The following TOP2A variants were observed in gnomAD, a reference collection of about 807,000 sequenced individuals.
TOP2A encodes DNA topoisomerase 2-alpha.
TOP2A carries 68 observed loss-of-function variants against 187.2 expected under a neutral mutation model. The observed-to-expected ratio is 0.36, with a 90% confidence interval of 0.30 to 0.44. TOP2A has a LOEUF of 0.44. Among genes scored for constraint, TOP2A ranks in the 20% least tolerant of loss-of-function variants. The pLI, the probability that TOP2A is intolerant of heterozygous loss-of-function variation, is 1.00. For missense variants in TOP2A, 1,196 were observed against 1,808.7 expected (o/e 0.66, Z 6.14); for synonymous variants, 542 against 593.2 (o/e 0.91, Z 1.25).
rs552587802 is a variant in TOP2A at position 40,402,221 on chromosome 17, G to A, written c.2432+685C>T. Among the ~76,000 whole-genome samples, 5 of 152,222 alleles carry A rather than the reference G, an allele frequency of 3.3e-5. No homozygotes were observed. In the South Asian group the frequency reaches 1.0e-3, roughly 32 times the overall value. The stretch of plus-strand genomic sequence containing the variant: ...ACTGAGACAGGAAAACTAAGGATTT[G>A]GTTTTAGACTTATGTTTGAGATACT... On this transcript the variant is annotated intron_variant, in intron 20 of 34. Transcript: ENST00000423485.
chr17:40,417,201 T>G lies in TOP2A; in HGVS notation c.22-306A>C, dbSNP rs140246940. Among the ~76,000 whole-genome samples, 225 of 152,260 alleles carry G rather than the reference T, an allele frequency of 1.5e-3. 1 individual carries two copies. The highest frequency in any genetic ancestry group is 5.3e-3 in the African/African-American group (220 of 41,544). ...CCACTTCTTTCAGTTCCTGCATACATTATTTACCGAGTGCCTATTATTATA... is the reference window on the plus strand; with the variant it reads ...CCACTTCTTTCAGTTCCTGCATACAGTATTTACCGAGTGCCTATTATTATA... On this transcript the variant is annotated intron_variant, in intron 1 of 34. Coordinates refer to ENST00000423485, the MANE Select transcript of TOP2A (RefSeq NM_001067.4).
intron 29 of TOP2A, among the ~76,000 whole-genome samples, chr17:40,393,087 T>C (rs1421993975): frequency 1.3e-5 from 2 of 151,492 alleles, no homozygotes; most frequent in Non-Finnish European, 2.9e-5. Context: ...TTTGGGAGGG[T>C]GAGGTAGGCG....
intron 12 of TOP2A, 138 bp downstream of exon 12, chr17:40,407,829 A>C (rs2035267332): frequency 8.4e-7 from 1 of 1,186,786 alleles, no homozygotes; most frequent in Non-Finnish European, 1.2e-6. Flanking sequence ...AAAATAGGCT[A>C]CAATGTACCT....
rs1341315289 is a variant in TOP2A, at chr17:40,404,370, A to G, written c.2161+7T>C. 1.2e-6 allele frequency: 2 copies of G among 1,605,498 alleles called. No individual in the cohort carries two copies. Among genetic ancestry groups the G allele is most frequent in the African/African-American group, 2.7e-5 (2 of 74,614 alleles). On this transcript the variant is annotated splice_region_variant and intron_variant, in intron 18 of 34. Transcript: ENST00000423485. Reference sequence around the variant, plus strand: ...CAATGAAAACAGACTAACAAATTGGAACTCACCATCCACCATAGAAGGGAT... The same window carrying G: ...CAATGAAAACAGACTAACAAATTGGGACTCACCATCCACCATAGAAGGGAT...
intron 10 of TOP2A, chr17:40,408,870 G>A: frequency 1.6e-6 from 1 of 617,586 alleles, no homozygotes; most frequent in South Asian, 1.5e-5. Context: ...TATTGTGCTA[G>A]CACTGAGCTA....
intron 33 of TOP2A, 60 bp downstream of exon 33, chr17:40,391,446 G>A: frequency 6.7e-7 from 1 of 1,487,500 alleles, no homozygotes; most frequent in Non-Finnish European, 9.0e-7. Context: ...AATTGAAATA[G>A]ACACGTGGAA....
chr17:40,388,788 T>G lies in TOP2A; in HGVS notation c.*731A>C, dbSNP rs2034988338. 1 of 195,220 alleles carries G rather than the reference T, an allele frequency of 5.1e-6. No individual in the cohort carries two copies. Among genetic ancestry groups the G allele is most frequent in the Non-Finnish European group, 1.1e-5 (1 of 93,794 alleles). The allele number at this position is 195,220 out of a possible 1,614,324, so 12.1% of individuals were successfully genotyped here. ...TGTCCCCGAGTCTTCTGCAATCCAGTCCTCTTAGAAATTGGTTTCTCTCTT... is the reference window on the plus strand; with the variant it reads ...TGTCCCCGAGTCTTCTGCAATCCAGGCCTCTTAGAAATTGGTTTCTCTCTT... On this transcript the variant is annotated 3_prime_UTR_variant, in exon 35 of 35. Coordinates refer to ENST00000423485, the MANE Select transcript of TOP2A (RefSeq NM_001067.4).
intron 10 of TOP2A, chr17:40,409,317 A>T (rs1317489044): frequency 2.7e-6 from 1 of 365,514 alleles, no homozygotes. Flanking sequence ...CGCGGGTTGC[A>T]GTGAACTGAG....
intron 2 of TOP2A, 38 bp from the exon 3 acceptor site, chr17:40,416,550 T>C (rs1352848218): frequency 6.7e-7 from 1 of 1,496,892 alleles, no homozygotes; most frequent in Admixed American, 1.8e-5. Flanking sequence ...ATTTTTATTC[T>C]ATATTCATTG....
chr17:40,391,365 T>G (rs2035020107), intron 33 of TOP2A, 141 bp downstream of exon 33: 1 of 830,432 alleles, frequency 1.2e-6, no homozygotes, highest in African/African-American at 1.8e-5. Context: ...ATTATAAAGA[T>G]CGAAAAGAAA....
At chr17:40,417,601 A>C in intron 1 of TOP2A, 170 bp downstream of exon 1, 2 of 1,475,622 alleles carry the variant, frequency 1.4e-6, no homozygotes, top group Non-Finnish European at 1.8e-6. Context: ...CTAGCACCAG[A>C]AGGGGCTTCC....
At chr17:40,414,651 C>T (rs901648270) in intron 4 of TOP2A, among the ~76,000 whole-genome samples, 1 of 151,872 alleles carries the variant, frequency 6.6e-6, no homozygotes, top group Admixed American at 6.6e-5. Flanking sequence ...GTCAGGAGTT[C>T]GAGACCAGCC....
intron 10 of TOP2A, 144 bp from the exon 11 acceptor site, chr17:40,408,774 G>T: frequency 1.1e-6 from 1 of 884,412 alleles, no homozygotes; most frequent in Non-Finnish European, 1.8e-6. Context: ...GATAGAGGGT[G>T]GCACATCTTC....
chr17:40,396,221 T>A (rs1279206667), intron 28 of TOP2A, 62 bp downstream of exon 28: 2 of 879,134 alleles, frequency 2.3e-6, no homozygotes, highest in East Asian at 5.3e-5. Context: ...CCTCAAGTGA[T>A]CCACCCACCT....
At chr17:40,414,301 A>C (rs1028927633) in intron 4 of TOP2A, among the ~76,000 whole-genome samples, 1 of 152,078 alleles carries the variant, frequency 6.6e-6, no homozygotes, top group Non-Finnish European at 1.5e-5. Flanking sequence ...GGGCTCAAGC[A>C]ATCCTCCCAC....
intron 10 of TOP2A, 28 bp from the exon 11 acceptor site, chr17:40,408,658 A>T: frequency 1.2e-6 from 2 of 1,610,142 alleles, no homozygotes; most frequent in Non-Finnish European, 1.7e-6. Context: ...CATATTAGGG[A>T]TCATATTAGG....
Position 40,389,734 on chromosome 17 carries a change from C to T in TOP2A, c.4468-87G>A, listed in dbSNP as rs1598606152. 26 of 1,476,234 alleles carry T rather than the reference C, an allele frequency of 1.8e-5. No individual in the cohort carries two copies. The East Asian group carries it at 6.3e-4, about 36-fold the overall frequency. The allele number at this position is 1,476,234 out of a possible 1,614,324, so 91.4% of individuals were successfully genotyped here. A position where few individuals can be genotyped will look rare whatever the true frequency, so the allele number is the denominator to read the frequency against. ...AAAAAATGTATCAAGACACTATATT[C>T]AAGGAGTTTTCTATTTTCTACCAAG... On this transcript the variant is annotated intron_variant, in intron 34 of 34. Transcript: ENST00000423485.
At position 40,400,611 on chromosome 17, in the gene TOP2A, T is replaced by C. The variant is rs1034460946; in HGVS notation, c.2717A>G (p.Gln906Arg). The C allele has an allele frequency of 8.7e-6, 14 of 1,610,044 alleles. No homozygotes were observed. Among genetic ancestry groups the C allele is most frequent in the Non-Finnish European group, 1.2e-5 (14 of 1,178,742 alleles). The part of the protein sequence containing the change: ...KGTIEELAPN[Q>R]YVISGEVAIL... Reference sequence around the variant, plus strand: ...AGCTACTTCACCACTAATCACATATTGATTTGGAGCCAGTTCTTCAATAGT... The same window carrying C: ...AGCTACTTCACCACTAATCACATATCGATTTGGAGCCAGTTCTTCAATAGT... The change falls in exon 22 of 35, where the codon CAA (glutamine) becomes CGA (arginine). Residue 906 changes from glutamine to arginine, a missense_variant. Coordinates refer to ENST00000423485, the MANE Select transcript of TOP2A (RefSeq NM_001067.4).
At chr17:40,406,306 C>T (rs779498805) in intron 16 of TOP2A, 78 bp downstream of exon 16, 41 of 1,046,564 alleles carry the variant, frequency 3.9e-5, no homozygotes, top group Non-Finnish European at 5.2e-5. Context: ...GAGTCTTATA[C>T]AAAAATGTAA....
Sources: allele counts gnomAD v4.1 joint callset (sites outside exome capture counted in the v4.1 genomes callset), GRCh38; gene constraint gnomAD v4.1.1; transcripts MANE v1.5; gene names NCBI Gene and HGNC (gene_info 2026-07-23, HGNC 2026-07-21).